The following KANK1 variants were observed in gnomAD, a reference collection of about 807,000 sequenced individuals.
The protein encoded by KANK1 is KN motif and ankyrin repeat domains 1, also known as KN motif and ankyrin repeat domain-containing protein 1.
Under a neutral mutation model 106.2 loss-of-function variants are expected in KANK1, and 109 were observed. The ratio of observed to expected loss-of-function variants is 1.03; its 90% confidence interval spans 0.88 to 1.20. KANK1 has a LOEUF of 1.20. Among genes scored for constraint, KANK1 ranks in the 50% most tolerant of loss-of-function variants. The probability of loss-of-function intolerance (pLI) is 0.00; values close to 1 mark genes in which losing one functional copy is unlikely to be tolerated. For missense variants in KANK1, 2,399 were observed against 1,710.7 expected (o/e 1.40, Z -7.10); for synonymous variants, 873 against 652.2 (o/e 1.34, Z -5.16).
rs1031842287 is a variant in KANK1 at position 640,402 on chromosome 9, A to AT, written c.-83-36474dup. Among the ~76,000 whole-genome samples the AT allele has an allele frequency of 4.4e-3, 630 of 143,076 alleles. 3 individuals are homozygous for AT. Among genetic ancestry groups the AT allele is most frequent in the Middle Eastern group, 0.011 (3 of 278 alleles). 93.9% of individuals were successfully genotyped at this position (143,076 alleles called of 152,430 possible). On this transcript the variant is annotated intron_variant, in intron 1 of 11. Coordinates refer to ENST00000382297, the MANE Select transcript of KANK1 (RefSeq NM_015158.5). The stretch of plus-strand genomic sequence containing the variant: ...AGGTGCATGCCATCACGCCCAGCTA[A>AT]TTTTTTTTTTTTTTATACAGAGTCA...
In KANK1 at chr9:712,477, G is replaced by C. The variant is rs750089446; in HGVS notation, c.1711G>C (p.Val571Leu). 3.1e-5 allele frequency: 50 copies of C among 1,614,078 alleles called. No homozygotes were observed. The highest frequency in any genetic ancestry group is 4.2e-5 in the Non-Finnish European group (49 of 1,180,046). ...GPELPMNWWI[V>L]KERVEMHDRC... ...TGAGCTGCCTATGAATTGGTGGATT[G>C]TTAAGGAGAGGGTGGAAATGCATGA... Residue 571 changes from valine (V) to leucine (L), a missense_variant, in exon 3 of 12, where the codon GTT (valine) becomes CTT (leucine). By Grantham distance (32) the Val-to-Leu change is conservative. Coordinates refer to ENST00000382297, the MANE Select transcript of KANK1 (RefSeq NM_015158.5).
rs112766843 is a variant in KANK1 at position 565,645 on chromosome 9, T to A, written c.-84+60891T>A. Among the ~76,000 whole-genome samples the A allele has an allele frequency of 1.2e-3, 179 of 152,234 alleles. 3 individuals are homozygous for A. Among genetic ancestry groups the A allele is most frequent in the African/African-American group, 3.7e-3 (152 of 41,524 alleles). The stretch of plus-strand genomic sequence containing the variant: ...TGGAAAACAGCCCTCATTTGCTGAG[T>A]CTGCCTCTGGGTTAGGGGCCATAGG... On this transcript the variant is annotated intron_variant, in intron 1 of 11. Transcript: ENST00000382297.
chr9:586,400 A>G (rs1180177253), intron 1 of KANK1, among the ~76,000 whole-genome samples: 1 of 152,214 alleles, frequency 6.6e-6, no homozygotes, highest in Non-Finnish European at 1.5e-5. Flanking sequence ...GGCTCTTGTT[A>G]TAAACAGATG....
chr9:596,623 C>A (rs1324756291), intron 1 of KANK1, among the ~76,000 whole-genome samples: 1 of 151,770 alleles, frequency 6.6e-6, no homozygotes, highest in Non-Finnish European at 1.5e-5. Flanking sequence ...ACACTGGTAC[C>A]ACTGTCTCGT....
chr9:742,442 TG>T (rs755821205), intron 10 of KANK1, 37 bp downstream of exon 10: 8 of 1,535,600 alleles, frequency 5.2e-6, no homozygotes, highest in Non-Finnish European at 4.5e-6. Context: ...GCCAGGGGTC[TG>T]GGGGACTCTG....
At chr9:635,316 G>A (rs938797391) in intron 1 of KANK1, among the ~76,000 whole-genome samples, 2 of 152,070 alleles carry the variant, frequency 1.3e-5, no homozygotes, top group Admixed American at 1.3e-4. Flanking sequence ...AACTTTCCTT[G>A]CGCACTCCCT....
At chr9:729,188 C>G (rs780753390) in intron 3 of KANK1, among the ~76,000 whole-genome samples, 12 of 152,194 alleles carry the variant, frequency 7.9e-5, no homozygotes, top group Non-Finnish European at 1.5e-4. Context: ...TACAAAAGCA[C>G]TCTAGTAGAT....
intron 3 of KANK1, among the ~76,000 whole-genome samples, chr9:479,324 A>G (rs867127962): frequency 6.6e-6 from 1 of 152,350 alleles, no homozygotes; most frequent in Non-Finnish European, 1.5e-5. Context: ...ATGGAAGAAC[A>G]CTGGAGTTGC....
At chr9:507,172 G>C (rs1267958673) in intron 1 of KANK1, among the ~76,000 whole-genome samples, 1 of 148,406 alleles carries the variant, frequency 6.7e-6, no homozygotes, top group Non-Finnish European at 1.5e-5. Flanking sequence ...CATTGACATA[G>C]CGAGACTCCG....
At chr9:734,880 A>C (rs756678226) in intron 7 of KANK1, 45 bp downstream of exon 7, 1 of 1,405,624 alleles carries the variant, frequency 7.1e-7, no homozygotes, top group East Asian at 2.3e-5. Flanking sequence ...TACAAAGTGC[A>C]TGAGTGGGTT....
chr9:579,917 C>A (rs1821590485), intron 1 of KANK1, among the ~76,000 whole-genome samples: 1 of 152,158 alleles, frequency 6.6e-6, no homozygotes, highest in Non-Finnish European at 1.5e-5. Context: ...AATATGACTC[C>A]ACCCCATGAG....
intron 3 of KANK1, chr9:495,247 C>G (rs959195331): frequency 1.3e-5 from 2 of 152,252 alleles, no homozygotes; most frequent in African/African-American, 4.8e-5. Flanking sequence ...GCATTCTCCT[C>G]CCCTCCTCTG....
chr9:680,236 A>C (rs1488260221), intron 2 of KANK1, among the ~76,000 whole-genome samples: 1 of 152,144 alleles, frequency 6.6e-6, no homozygotes. Flanking sequence ...GTAATAAAAC[A>C]AGCAAAAGAG....
chr9:710,632 A>C (rs527667008), intron 2 of KANK1, among the ~76,000 whole-genome samples, 172 bp from the exon 3 acceptor site: 4 of 117,176 alleles, frequency 3.4e-5, no homozygotes, highest in East Asian at 4.1e-4. Flanking sequence ...AAAAAAAACA[A>C]AAAAAAACAA....
chr9:538,694 G>T (rs183599031), intron 1 of KANK1, among the ~76,000 whole-genome samples: 1 of 152,202 alleles, frequency 6.6e-6, no homozygotes, highest in Non-Finnish European at 1.5e-5. Flanking sequence ...GAAGGAGTCA[G>T]AGTTGGGGTG....
At chr9:645,176 C>G (rs898494234) in intron 1 of KANK1, among the ~76,000 whole-genome samples, 3 of 144,886 alleles carry the variant, frequency 2.1e-5, no homozygotes, top group Non-Finnish European at 4.5e-5. Flanking sequence ...CATGGTGGCT[C>G]ACGTCTGTAA....
chr9:718,872 A>C (rs10976039), intron 3 of KANK1, among the ~76,000 whole-genome samples: 78,189 of 151,418 alleles, frequency 0.52, 22,308 homozygotes, highest in Non-Finnish European at 0.67. Flanking sequence ...CCAAAAAAGA[A>C]GATGGTCCTT....
intron 2 of KANK1, chr9:707,195 G>C: frequency 1.0e-6 from 1 of 986,014 alleles, no homozygotes. Context: ...CTGAGCTGGA[G>C]CGAGCTGTGC....
chr9:738,448 T>C lies in KANK1; in HGVS notation c.3497T>C (p.Leu1166Pro). 6.2e-7 allele frequency: 1 copy of C among 1,614,116 alleles called. No individual in the cohort carries two copies. The highest frequency in any genetic ancestry group is 8.5e-7 in the Non-Finnish European group (1 of 1,180,020). Residue 1166 changes from leucine (L) to proline (P), a missense_variant, in exon 8 of 12, where the codon CTC becomes CCC. Coordinates refer to ENST00000382297, the MANE Select transcript of KANK1 (RefSeq NM_015158.5). ...GCAGACGGCAACGGCAACACAGCCCTCCATTACAGCGTGTCCCACTCCAAC... is the reference window on the plus strand; with the variant it reads ...GCAGACGGCAACGGCAACACAGCCCCCCATTACAGCGTGTCCCACTCCAAC... ...NLADGNGNTALHYSVSHSNFE... is the reference protein window; with the variant it reads ...NLADGNGNTAPHYSVSHSNFE...
Sources: gnomAD v4.1 joint callset for allele counts (sites outside exome capture counted in the v4.1 genomes callset) on GRCh38, gnomAD v4.1.1 for gene constraint, MANE v1.5 for transcripts, NCBI Gene and HGNC (gene_info 2026-07-23, HGNC 2026-07-21) for gene names.